Variants in TMEM116 observed in about 807,000 individuals in gnomAD.
TMEM116 encodes the protein transmembrane protein 116.
In TMEM116, 38 loss-of-function variants were observed where a neutral mutation model predicts 44.3. The ratio of observed to expected loss-of-function variants is 0.86; its 90% CI spans 0.66 to 1.12. The LOEUF is 1.12. Among genes scored for constraint, TMEM116 ranks in the 50% most tolerant of loss-of-function variants. TMEM116 has a pLI of 0.00. For synonymous variants in TMEM116, 132 were observed against 144.8 expected, an observed-to-expected ratio of 0.91 and a Z score of 0.64; for missense variants, 354 against 401.7, an observed-to-expected ratio of 0.88 and a Z score of 1.01.
In TMEM116 at chr12:111,933,888, G is replaced by A. The variant is rs761098216; in HGVS notation, c.731C>T (p.Pro244Leu). The A allele has an allele frequency of 6.2e-7, 1 of 1,613,774 alleles. No homozygotes were observed. The highest frequency in any genetic ancestry group is 1.3e-5 in the African/African-American group (1 of 74,910). ...ATCTCTTCTTGTTAAGTACCTACCT[G>A]GGCCCCAGCAGCAAAAGAAGGCCAC... ...YPVAFFCCWGPAVILMIIKLT... is the reference protein window; with the variant it reads ...YPVAFFCCWGLAVILMIIKLT... The change falls in exon 9 of 11, where the codon CCA becomes CTA. Residue 244 changes from proline (P) to leucine (L), a missense_variant and splice_region_variant. By Grantham distance (98) the Pro-to-Leu change is moderately conservative. Coordinates refer to ENST00000552374, the MANE Select transcript of TMEM116 (RefSeq NM_001193531.2).
chr12:111,993,706 G>GCAT, intron 3 of TMEM116: 1 of 627,494 alleles, frequency 1.6e-6, no homozygotes, highest in Admixed American at 2.0e-5. Flanking sequence ...TACTGTTGAA[G>GCAT]CATTGTACAA....
At chr12:111,957,294 C>G (rs1209912205) in intron 4 of TMEM116, among the ~76,000 whole-genome samples, 1 of 146,292 alleles carries the variant, frequency 6.8e-6, no homozygotes, top group South Asian at 2.2e-4. Flanking sequence ...CGTCTGGGAA[C>G]TGAGGAGTGT....
At chr12:112,001,258 G>T (rs1368960196) in intron 3 of TMEM116, among the ~76,000 whole-genome samples, 1 of 152,342 alleles carries the variant, frequency 6.6e-6, no homozygotes, top group East Asian at 1.9e-4. Flanking sequence ...ACCTTGGACA[G>T]TAGTTTTCAA....
At chr12:111,999,894 A>T (rs948391877) in intron 3 of TMEM116, among the ~76,000 whole-genome samples, 66 of 152,318 alleles carry the variant, frequency 4.3e-4, no homozygotes, top group African/African-American at 1.5e-3. Context: ...ATGCTTCACA[A>T]CAGTCTTCTT....
chr12:111,993,933 C>T, intron 3 of TMEM116: 1 of 675,148 alleles, frequency 1.5e-6, no homozygotes, highest in South Asian at 1.4e-5. Flanking sequence ...TTGTCTGTAT[C>T]ATTATGACTG....
chr12:111,974,399 T>C (rs977049281), intron 4 of TMEM116, among the ~76,000 whole-genome samples: 3 of 151,938 alleles, frequency 2.0e-5, no homozygotes, highest in Non-Finnish European at 2.9e-5. Context: ...TTCTAACACT[T>C]TGGGAGGCCG....
chr12:112,002,889 T>C (rs569200651), intron 3 of TMEM116, among the ~76,000 whole-genome samples: 2 of 152,354 alleles, frequency 1.3e-5, no homozygotes, highest in South Asian at 2.1e-4. Flanking sequence ...TTTGTGCTAT[T>C]TGGTCTGGTT....
chr12:112,005,835 CAG>C (rs2077551237), intron 1 of TMEM116: 2 of 887,412 alleles, frequency 2.3e-6, no homozygotes, highest in African/African-American at 1.8e-5. Context: ...ACTAGTAAAA[CAG>C]AGAAACTGAA....
At chr12:111,994,572 T>C (rs2076823728) in intron 3 of TMEM116, among the ~76,000 whole-genome samples, 1 of 152,124 alleles carries the variant, frequency 6.6e-6, no homozygotes, top group African/African-American at 2.4e-5. Flanking sequence ...GGTGAGATGA[T>C]CACATGGGGA....
chr12:112,007,081 A>T (rs2077619911), intron 1 of TMEM116, among the ~76,000 whole-genome samples: 2 of 152,152 alleles, frequency 1.3e-5, no homozygotes, highest in South Asian at 4.1e-4. Flanking sequence ...TAGCCATTGC[A>T]CTCCATCCTG....
chr12:111,962,898 A>C (rs949059659), intron 4 of TMEM116, among the ~76,000 whole-genome samples: 27 of 152,092 alleles, frequency 1.8e-4, no homozygotes, highest in African/African-American at 6.5e-4. Context: ...ATGGGAGAAA[A>C]TTTTTGCAAT....
intron 3 of TMEM116, chr12:111,993,359 TCTGA>T (rs2076730608): frequency 1.9e-6 from 1 of 530,884 alleles, no homozygotes; most frequent in South Asian, 1.5e-5. Flanking sequence ...AAGGACAGGC[TCTGA>T]CTTTCATTGG....
At chr12:111,990,963 G>A (rs1360347397) in intron 4 of TMEM116, among the ~76,000 whole-genome samples, 1 of 152,152 alleles carries the variant, frequency 6.6e-6, no homozygotes, top group Non-Finnish European at 1.5e-5. Flanking sequence ...GCTCACACCT[G>A]TAATCCCAGC....
intron 4 of TMEM116, among the ~76,000 whole-genome samples, chr12:111,958,080 CT>C (rs1268739242): frequency 6.6e-6 from 1 of 151,880 alleles, no homozygotes; most frequent in East Asian, 1.9e-4. Context: ...AGGCAGCATG[CT>C]CGTTAAGAGT....
intron 4 of TMEM116, among the ~76,000 whole-genome samples, chr12:111,988,065 C>A (rs1238869106): frequency 6.6e-6 from 1 of 152,126 alleles, no homozygotes; most frequent in Non-Finnish European, 1.5e-5. Flanking sequence ...GTGAAATAAG[C>A]CGGACACAAA....
rs775401284 is a variant in TMEM116, at chr12:111,963,811, A to AT, written c.211-20443dup. The stretch of plus-strand genomic sequence containing the variant: ...GCACACATACGCCAGAACTTAAAGT[A>AT]TTTTTTTTAAAAAAAGAAATGCTGA... On this transcript the variant is annotated intron_variant, in intron 4 of 10. Coordinates refer to ENST00000552374, the MANE Select transcript of TMEM116 (RefSeq NM_001193531.2). 5.9e-5 allele frequency among the ~76,000 whole-genome samples: 9 copies of AT among 151,964 alleles called. No homozygotes were observed. The East Asian group carries it at 7.7e-4, about 13-fold the overall frequency.
At chr12:111,977,557 AAAG>A (rs957926098) in intron 4 of TMEM116, among the ~76,000 whole-genome samples, 5 of 152,194 alleles carry the variant, frequency 3.3e-5, no homozygotes, top group African/African-American at 1.2e-4. Flanking sequence ...TAGAAAAGTT[AAAG>A]AAGTTCTTCA....
chr12:111,939,985 G>C (rs2072572996), intron 5 of TMEM116, among the ~76,000 whole-genome samples: 1 of 148,348 alleles, frequency 6.7e-6, no homozygotes, highest in Non-Finnish European at 1.5e-5. Context: ...TAATATCTTA[G>C]GCTATGGTTG....
intron 4 of TMEM116, among the ~76,000 whole-genome samples, chr12:111,991,125 A>T (rs2076540856): frequency 6.6e-6 from 1 of 150,698 alleles, no homozygotes; most frequent in African/African-American, 2.4e-5. Context: ...AGGCTGAGGC[A>T]AGAGAATTGC....
Sources: allele counts gnomAD v4.1 joint callset (sites outside exome capture counted in the v4.1 genomes callset), GRCh38; gene constraint gnomAD v4.1.1; transcripts MANE v1.5; gene names NCBI Gene and HGNC (gene_info 2026-07-23, HGNC 2026-07-21).